MLLT10: variants seen among roughly 807,000 people sequenced by gnomAD.
MLLT10 encodes the protein MLLT10 histone lysine methyltransferase DOT1L cofactor, also known as protein AF-10.
MLLT10 carries 30 observed loss-of-function variants against 129.1 expected under a neutral mutation model. The observed-to-expected ratio is 0.23, with a 90% CI of 0.17 to 0.32. The LOEUF (loss-of-function observed/expected upper bound fraction) is 0.32. MLLT10 is among the 10% of genes least tolerant of loss of function. The pLI, the probability that MLLT10 is intolerant of heterozygous loss-of-function variation, is 1.00. For missense variants in MLLT10, 1,119 were observed against 1,268.3 expected (o/e 0.88, Z 1.79); for synonymous variants, 490 against 446.4 (o/e 1.10, Z -1.23).
chr10:21,544,290 A>T (rs900834216), intron 3 of MLLT10, among the ~76,000 whole-genome samples: 1 of 152,184 alleles, frequency 6.6e-6, no homozygotes, highest in Non-Finnish European at 1.5e-5. Flanking sequence ...AAAGCGAGTA[A>T]ATTCAGTCCC....
chr10:21,628,876 T>C (rs1422407896), intron 8 of MLLT10, among the ~76,000 whole-genome samples: 2 of 151,328 alleles, frequency 1.3e-5, no homozygotes, highest in Non-Finnish European at 2.9e-5. Context: ...AGCCTCCGCA[T>C]TAGCTGGGAC....
Position 21,534,892 on chromosome 10 carries a change from C to T in MLLT10, c.160+88C>T, listed in dbSNP as rs2033552266. On this transcript the variant is annotated intron_variant, in intron 2 of 22. Coordinates refer to ENST00000307729, the MANE Select transcript of MLLT10 (RefSeq NM_001195626.3). ...CCTGGGCCGCAACCGCCGGCGCCCC[C>T]GCCCCGTGCCGCGGCCGCGGGAGGG... The T allele has an allele frequency of 3.2e-6, 3 of 951,818 alleles. No individual in the cohort carries two copies. In the South Asian group the frequency reaches 1.4e-4, roughly 45 times the overall value. The allele number at this position is 951,818 out of a possible 1,614,324, so 59.0% of individuals were successfully genotyped here.
intron 13 of MLLT10, among the ~76,000 whole-genome samples, chr10:21,701,029 G>C (rs1322675802): frequency 6.6e-6 from 1 of 152,022 alleles, no homozygotes; most frequent in Middle Eastern, 3.2e-3. Flanking sequence ...TCTGTTCAGG[G>C]TTTCTGTTTC....
At chr10:21,696,746 C>G (rs2054398498) in intron 13 of MLLT10, among the ~76,000 whole-genome samples, 1 of 152,108 alleles carries the variant, frequency 6.6e-6, no homozygotes, top group Non-Finnish European at 1.5e-5. Context: ...CGCTGCTTTT[C>G]TCACTCCATA....
chr10:21,740,090 C>T lies in MLLT10; in HGVS notation c.3016C>T (p.Pro1006Ser). 6.2e-7 allele frequency: 1 copy of T among 1,614,106 alleles called. No individual in the cohort carries two copies. Among genetic ancestry groups the T allele is most frequent in the Non-Finnish European group, 8.5e-7 (1 of 1,180,018 alleles). Residue 1006 changes from proline to serine, a missense_variant, in exon 22 of 23, where the codon CCT becomes TCT. Coordinates refer to ENST00000307729, the MANE Select transcript of MLLT10 (RefSeq NM_001195626.3). Reference sequence around the variant, plus strand: ...ACATCACCACCAGCAGCACCACCAACCTGAACTTCAGCAGCTGCAGATCCC... The same window carrying T: ...ACATCACCACCAGCAGCACCACCAATCTGAACTTCAGCAGCTGCAGATCCC... ...MQHHHQQHHQPELQQLQIPGP... is the reference protein window; with the variant it reads ...MQHHHQQHHQSELQQLQIPGP...
chr10:21,681,399 T>C, intron 12 of MLLT10, 23 bp downstream of exon 12: 1 of 1,559,806 alleles, frequency 6.4e-7, no homozygotes, highest in Non-Finnish European at 8.8e-7. Flanking sequence ...ACTGGGTTGA[T>C]AACCCGGGCC....
chr10:21,729,868 A>T (rs1371384274), intron 16 of MLLT10, among the ~76,000 whole-genome samples: 1 of 152,228 alleles, frequency 6.6e-6, no homozygotes, highest in Non-Finnish European at 1.5e-5. Context: ...TGTAGAGAAC[A>T]TTACATGTTC....
At position 21,534,354 on chromosome 10, in the gene MLLT10, G is replaced by C; in HGVS notation, c.-167G>C. The C allele has an allele frequency of 2.6e-6, 1 of 383,722 alleles. No homozygotes were observed. The highest frequency in any genetic ancestry group is 4.8e-6 in the Non-Finnish European group (1 of 208,554). 23.8% of individuals were successfully genotyped at this position (383,722 alleles called of 1,614,324 possible). Reference sequence around the variant, plus strand: ...TGTGCGGAGGCCCTCTTGATTATGTGTGCCCTCTCCGGGCGCCCGCGTTAG... The same window carrying C: ...TGTGCGGAGGCCCTCTTGATTATGTCTGCCCTCTCCGGGCGCCCGCGTTAG... On this transcript the variant is annotated 5_prime_UTR_variant, in exon 1 of 23. Coordinates refer to ENST00000307729, the MANE Select transcript of MLLT10 (RefSeq NM_001195626.3).
intron 8 of MLLT10, among the ~76,000 whole-genome samples, chr10:21,621,386 A>C (rs987293517): frequency 2.6e-5 from 4 of 151,278 alleles, no homozygotes; most frequent in African/African-American, 9.7e-5. Context: ...CTAGGATTAT[A>C]GGCGCCCGCC....
chr10:21,651,230 C>A (rs528197060), intron 8 of MLLT10, among the ~76,000 whole-genome samples: 1 of 152,188 alleles, frequency 6.6e-6, no homozygotes, highest in South Asian at 2.1e-4. Flanking sequence ...CACCACCATG[C>A]CCGGCTAATT....
chr10:21,658,082 A>G (rs954157833), intron 9 of MLLT10, among the ~76,000 whole-genome samples: 2 of 152,152 alleles, frequency 1.3e-5, no homozygotes, highest in African/African-American at 2.4e-5. Context: ...TGAAGGAAAT[A>G]CACACAATCT....
chr10:21,618,483 C>T (rs532967441), intron 8 of MLLT10, among the ~76,000 whole-genome samples: 7 of 151,708 alleles, frequency 4.6e-5, no homozygotes, highest in East Asian at 3.9e-4. Context: ...CCAGCCTGGG[C>T]GACGGAGCGA....
chr10:21,724,922 C>A (rs1014921377), intron 14 of MLLT10, among the ~76,000 whole-genome samples: 1 of 152,176 alleles, frequency 6.6e-6, no homozygotes, highest in African/African-American at 2.4e-5. Context: ...AAACTTTGGA[C>A]GAGCTCTTCA....
intron 3 of MLLT10, among the ~76,000 whole-genome samples, chr10:21,580,670 G>A (rs1311946669): frequency 6.6e-6 from 1 of 151,828 alleles, no homozygotes; most frequent in African/African-American, 2.4e-5. Context: ...GATTACAGGC[G>A]TGAGCCTCCA....
intron 14 of MLLT10, among the ~76,000 whole-genome samples, chr10:21,717,078 A>T (rs1306219993): frequency 6.6e-6 from 1 of 150,920 alleles, no homozygotes; most frequent in Non-Finnish European, 1.5e-5. Flanking sequence ...ACATGGAGAA[A>T]CCCCATCTCT....
At chr10:21,708,854 A>G (rs1035250840) in intron 13 of MLLT10, 9 of 586,762 alleles carry the variant, frequency 1.5e-5, no homozygotes, top group Non-Finnish European at 1.9e-5. Context: ...TGACTTACAG[A>G]TACATTTTTA....
At chr10:21,711,509 G>A (rs927466462) in intron 13 of MLLT10, among the ~76,000 whole-genome samples, 2 of 150,844 alleles carry the variant, frequency 1.3e-5, no homozygotes, top group African/African-American at 4.9e-5. Flanking sequence ...GACCACTTGA[G>A]CTCAGGAGTT....
At chr10:21,582,900 G>C (rs1033798290) in intron 3 of MLLT10, among the ~76,000 whole-genome samples, 1 of 152,154 alleles carries the variant, frequency 6.6e-6, no homozygotes, top group African/African-American at 2.4e-5. Flanking sequence ...GGCTGGGTGA[G>C]GTGGCTCACT....
At chr10:21,602,386 T>C (rs2043625855) in intron 5 of MLLT10, among the ~76,000 whole-genome samples, 1 of 152,152 alleles carries the variant, frequency 6.6e-6, no homozygotes, top group Non-Finnish European at 1.5e-5. Context: ...AGCATTGACA[T>C]ATCCTGGAAT....
Sources: allele counts gnomAD v4.1 joint callset (sites outside exome capture counted in the v4.1 genomes callset), GRCh38; gene constraint gnomAD v4.1.1; transcripts MANE v1.5; gene names NCBI Gene and HGNC (gene_info 2026-07-23, HGNC 2026-07-21).